HPN: variants seen among roughly 807,000 people sequenced by gnomAD.
HPN encodes hepsin, also known as serine protease hepsin.
Under a neutral mutation model 55.9 loss-of-function variants are expected in HPN, and 13 were observed. The observed-to-expected ratio is 0.23, with a 90% CI of 0.15 to 0.37. HPN has a LOEUF of 0.37. HPN is among the 10% of genes least tolerant of loss of function. The pLI is 1.00. For synonymous variants in HPN, 225 were observed against 240.3 expected (o/e 0.94, Z 0.59); for missense variants, 451 against 575.8 (o/e 0.78, Z 2.22).
intron 1 of HPN, 37 bp downstream of exon 1, chr19:35,041,909 C>T (rs1404102920): frequency 7.6e-7 from 1 of 1,311,120 alleles, no homozygotes; most frequent in Non-Finnish European, 1.0e-6. Flanking sequence ...AGTTCCAGCC[C>T]TGAGGACAGG....
chr19:35,051,107 A>G (rs1324340805), intron 4 of HPN, among the ~76,000 whole-genome samples: 3 of 150,154 alleles, frequency 2.0e-5, no homozygotes, highest in East Asian at 3.9e-4. Flanking sequence ...ATAACAAATT[A>G]TTGTTATTTT....
upstream of HPN, among the ~76,000 whole-genome samples, chr19:35,041,096 G>T (rs2064288983): frequency 6.6e-6 from 1 of 152,204 alleles, no homozygotes; most frequent in African/African-American, 2.4e-5. Flanking sequence ...CGGCCACTTG[G>T]CCTGGGCCTC....
At position 35,066,446 on chromosome 19, in the gene HPN, T is replaced by TCAGCCCCGAGACCACC; in HGVS notation, c.*162_*177dup. On this transcript the variant is annotated 3_prime_UTR_variant, in exon 13 of 13. Transcript: ENST00000672452. ...CTCTCTTCCACAGTGGCGGGCCCAC[T>TCAGCCCCGAGACCACC]CAGCCCCGAGACCACCCAACCTCAC... is the stretch of plus-strand genomic sequence containing the variant. 1.0e-6 allele frequency: 1 copy of TCAGCCCCGAGACCACC among 973,462 alleles called. No individual in the cohort carries two copies. Among genetic ancestry groups the TCAGCCCCGAGACCACC allele is most frequent in the Admixed American group, 2.5e-5 (1 of 39,356 alleles). The allele number at this position is 973,462 out of a possible 1,614,324, so 60.3% of individuals were successfully genotyped here.
intron 9 of HPN, among the ~76,000 whole-genome samples, chr19:35,063,162 G>C (rs571042389): frequency 6.6e-6 from 1 of 152,160 alleles, no homozygotes; most frequent in South Asian, 2.1e-4. Context: ...TTAAGATCCT[G>C]TTTTCCACCC....
Position 35,065,520 on chromosome 19 carries a change from C to T in HPN, c.908-19C>T. ...TGTACACCCCCCAGCTCTGGCCAGC[C>T]TTGCCTGCACACCCCCAGGCCAACA... On this transcript the variant is annotated intron_variant, in intron 10 of 12. Coordinates refer to ENST00000672452, the MANE Select transcript of HPN (RefSeq NM_001384133.1). 7 of 1,613,328 alleles carry T rather than the reference C, an allele frequency of 4.3e-6. No individual in the cohort carries two copies. Among genetic ancestry groups the T allele is most frequent in the Non-Finnish European group, 5.9e-6 (7 of 1,179,712 alleles).
chr19:35,065,277 C>T lies in HPN; in HGVS notation c.839C>T (p.Ala280Val). ...TEYIQPVCLP[A>V]AGQALVDGKI... ...TACATCCAGCCTGTGTGCCTCCCAG[C>T]TGCCGGCCAGGCCCTGGTGGATGGC... Residue 280 changes from alanine to valine, a missense_variant, in exon 10 of 13, where the codon GCT becomes GTT. Ala to Val is a moderately conservative substitution (Grantham distance 64). This residue lies in a region of HPN where 378 missense variants were observed against 445.5 expected (regional missense o/e 0.85). Transcript: ENST00000672452. The T allele has an allele frequency of 2.5e-6, 4 of 1,613,960 alleles. No homozygotes were observed. Among genetic ancestry groups the T allele is most frequent in the Non-Finnish European group, 3.4e-6 (4 of 1,179,868 alleles).
Position 35,042,482 on chromosome 19 carries a change from G to C in HPN, c.-25G>C. 1 of 1,605,264 alleles carries C rather than the reference G, an allele frequency of 6.2e-7. No homozygotes were observed. The highest frequency in any genetic ancestry group is 1.1e-5 in the South Asian group (1 of 89,022). ...CACCCTGGCCCAGGAGGTCAGCCAGGGAATCATTAACAAGAGGCAGTGACA... is the reference window on the plus strand; with the variant it reads ...CACCCTGGCCCAGGAGGTCAGCCAGCGAATCATTAACAAGAGGCAGTGACA... On this transcript the variant is annotated 5_prime_UTR_variant, in exon 2 of 13. Coordinates refer to ENST00000672452, the MANE Select transcript of HPN (RefSeq NM_001384133.1).
At chr19:35,051,666 C>G (rs1416642628) in intron 4 of HPN, among the ~76,000 whole-genome samples, 1 of 145,784 alleles carries the variant, frequency 6.9e-6, no homozygotes, top group Non-Finnish European at 1.5e-5. Flanking sequence ...TATATAGTGT[C>G]TACACTTGAT....
At position 35,066,158 on chromosome 19, in the gene HPN, A is replaced by T. The variant is rs371047949; in HGVS notation, c.1216-91A>T. ...AGAAGAGGGCCCCCCTTGGGAACAGATGGACTTTGAAGGGTTCCTGGGGAA... is the reference window on the plus strand; with the variant it reads ...AGAAGAGGGCCCCCCTTGGGAACAGTTGGACTTTGAAGGGTTCCTGGGGAA... On this transcript the variant is annotated intron_variant, in intron 12 of 12. Transcript: ENST00000672452. 64 of 1,613,184 alleles carry T rather than the reference A, an allele frequency of 4.0e-5. No individual in the cohort carries two copies. The South Asian group carries it at 6.8e-4, about 17-fold the overall frequency.
intron 2 of HPN, among the ~76,000 whole-genome samples, chr19:35,042,971 A>G (rs1407966698): frequency 6.6e-6 from 1 of 152,154 alleles, no homozygotes; most frequent in African/African-American, 2.4e-5. Context: ...TGGGTCAAGC[A>G]TGGATACCAG....
chr19:35,049,357 T>C lies in HPN; in HGVS notation c.84T>C (p.Leu28=). ...CTCTCACTGCGGGGACCCTGCTACTTCTGACAGCCATCGGGGCGGCATCCT... is the reference window on the plus strand; with the variant it reads ...CTCTCACTGCGGGGACCCTGCTACTCCTGACAGCCATCGGGGCGGCATCCT... ...VAALTAGTLL[L]LTAIGAASWA... is the part of the protein sequence containing the mutation. The change falls in exon 3 of 13, where the codon CTT becomes CTC. Residue 28 remains leucine, a synonymous_variant. Coordinates refer to ENST00000672452, the MANE Select transcript of HPN (RefSeq NM_001384133.1). 1 of 1,603,664 alleles carries C rather than the reference T, an allele frequency of 6.2e-7. No individual in the cohort carries two copies. Among genetic ancestry groups the C allele is most frequent in the Non-Finnish European group, 8.5e-7 (1 of 1,173,416 alleles).
chr19:35,042,730 A>G lies in HPN; in HGVS notation c.16+208A>G, dbSNP rs548289435. Reference sequence around the variant, plus strand: ...CCACCACCAGCCTCCCTTCTACCCTATGTGACCTTCCTGGCGTGCTGCCTC... The same window carrying G: ...CCACCACCAGCCTCCCTTCTACCCTGTGTGACCTTCCTGGCGTGCTGCCTC... On this transcript the variant is annotated intron_variant, in intron 2 of 12. Transcript: ENST00000672452. 2.0e-5 allele frequency among the ~76,000 whole-genome samples: 3 copies of G among 151,688 alleles called. No homozygotes were observed. The South Asian group carries it at 6.2e-4, about 32-fold the overall frequency.
intron 10 of HPN, 41 bp downstream of exon 10, chr19:35,065,386 A>G (rs2064594295): frequency 6.3e-7 from 1 of 1,584,206 alleles, no homozygotes; most frequent in Admixed American, 1.7e-5. Context: ...CGTTTGGGAG[A>G]CTCTGAACTA....
intron 4 of HPN, among the ~76,000 whole-genome samples, chr19:35,054,082 C>A (rs2064430691): frequency 6.6e-6 from 1 of 152,150 alleles, no homozygotes; most frequent in South Asian, 2.1e-4. Context: ...CAAGTTTATT[C>A]CTCTGAGGCT....
intron 4 of HPN, among the ~76,000 whole-genome samples, chr19:35,054,279 G>A (rs2064432820): frequency 6.6e-6 from 1 of 152,132 alleles, no homozygotes; most frequent in Non-Finnish European, 1.5e-5. Flanking sequence ...TTAGCCAGGT[G>A]TAGTAGCATG....
At position 35,065,945 on chromosome 19, in the gene HPN, T is replaced by C; in HGVS notation, c.1128T>C (p.Ser376=). 2 of 1,613,962 alleles carry C rather than the reference T, an allele frequency of 1.2e-6. No individual in the cohort carries two copies. Among genetic ancestry groups the C allele is most frequent in the Non-Finnish European group, 1.7e-6 (2 of 1,180,008 alleles). Residue 376 remains serine, a synonymous_variant, in exon 12 of 13, where the codon AGT becomes AGC. Transcript: ENST00000672452. ...TPRWRLCGIV[S]WGTGCALAQK... is the part of the protein sequence containing the mutation. ...GTTGGCGGCTGTGTGGCATTGTGAG[T>C]TGGGGCACTGGCTGTGCCCTGGCCC... is the stretch of plus-strand genomic sequence containing the variant.
intron 4 of HPN, among the ~76,000 whole-genome samples, chr19:35,052,325 C>T (rs1744450883): frequency 6.6e-6 from 1 of 152,010 alleles, no homozygotes; most frequent in Non-Finnish European, 1.5e-5. Context: ...GTCAGGAGTT[C>T]GAGACCAGCC....
Position 35,059,385 on chromosome 19 carries a change from G to A in HPN, c.161-288G>A, listed in dbSNP as rs999939771. 6 of 544,088 alleles carry A rather than the reference G, an allele frequency of 1.1e-5. 1 individual carries two copies. In the South Asian group the frequency reaches 1.1e-4, roughly 10 times the overall value. The allele number at this position is 544,088 out of a possible 1,614,324, so 33.7% of individuals were successfully genotyped here. On this transcript the variant is annotated intron_variant, in intron 4 of 12. Transcript: ENST00000672452. ...TGGTCCTAGCTACTCAGGAGGTTGA[G>A]GTAGGAGGATTTCTTGAGTCTGGGA...
chr19:35,044,773 G>A (rs937525388), intron 2 of HPN, among the ~76,000 whole-genome samples: 14 of 152,142 alleles, frequency 9.2e-5, no homozygotes, highest in African/African-American at 2.4e-4. Context: ...GAGTCACAGA[G>A]GGTTCTATAG....
Sources: gnomAD v4.1 joint callset for allele counts (sites outside exome capture counted in the v4.1 genomes callset) on GRCh38, gnomAD v4.1.1 for gene constraint, gnomAD v4.1.1 regional missense constraint, MANE v1.5 for transcripts, NCBI Gene and HGNC (gene_info 2026-07-23, HGNC 2026-07-21) for gene names.